MMP27: variants seen among roughly 807,000 people sequenced by gnomAD.
MMP27 encodes the protein matrix metalloproteinase-27.
A neutral mutation model predicts 48.1 loss-of-function variants in MMP27; 51 were observed. The observed-to-expected ratio is 1.06, with a 90% confidence interval of 0.85 to 1.34. The LOEUF is 1.34. Ranked by LOEUF, MMP27 falls within the 40% of genes most tolerant of loss-of-function variation. The probability of loss-of-function intolerance (pLI) is 0.00; values close to 1 mark genes in which losing one functional copy is unlikely to be tolerated. For missense variants in MMP27, 698 were observed against 619.3 expected (o/e 1.13, Z -1.35); for synonymous variants, 229 against 208.9 (o/e 1.10, Z -0.83).
In MMP27 at chr11:102,703,249, A is replaced by G. The variant is rs1009303720; in HGVS notation, c.342-131T>C. ...CTTTGGTGTGGTGCAATTATCTTAC[A>G]GTTGCATTAGCACTTTATTTAAATG... On this transcript the variant is annotated intron_variant, in intron 2 of 9. Coordinates refer to ENST00000260229, the MANE Select transcript of MMP27 (RefSeq NM_022122.3). 11 of 741,872 alleles carry G rather than the reference A, an allele frequency of 1.5e-5. No individual in the cohort carries two copies. In the African/African-American group the frequency reaches 1.6e-4, roughly 11 times the overall value. The allele number at this position is 741,872 out of a possible 1,614,324, so 46.0% of individuals were successfully genotyped here.
chr11:102,702,880 G>T lies in MMP27; in HGVS notation c.492C>A (p.Val164=). 6.2e-7 allele frequency: 1 copy of T among 1,613,252 alleles called. No homozygotes were observed. The highest frequency in any genetic ancestry group is 2.2e-5 in the East Asian group (1 of 44,876). ...ADIMIAFRTR[V]HGRCPRYFDG... ...CAAAATAGCGAGGACACCGACCATGGACTGAGATACAATTTATGCGAGGAA... is the reference window on the plus strand; with the variant it reads ...CAAAATAGCGAGGACACCGACCATGTACTGAGATACAATTTATGCGAGGAA... Residue 164 remains valine, a splice_region_variant and synonymous_variant, in exon 4 of 10, where the codon GTC becomes GTA. Transcript: ENST00000260229.
chr11:102,693,168 G>A, intron 8 of MMP27, 127 bp from the exon 9 acceptor site: 1 of 599,656 alleles, frequency 1.7e-6, no homozygotes. Context: ...AAAACTAATT[G>A]GATCAATAAT....
chr11:102,697,163 G>C (rs1385106130), intron 4 of MMP27, among the ~76,000 whole-genome samples: 3 of 152,204 alleles, frequency 2.0e-5, no homozygotes, highest in African/African-American at 7.2e-5. Context: ...GCACGTTACT[G>C]TACTGAATAT....
Position 102,705,676 on chromosome 11 carries a change from T to C in MMP27, c.39A>G (p.Thr13=). 2 of 1,607,218 alleles carry C rather than the reference T, an allele frequency of 1.2e-6. No homozygotes were observed. Among genetic ancestry groups the C allele is most frequent in the Non-Finnish European group, 1.7e-6 (2 of 1,177,864 alleles). ...GGACTAAGGGAAATGCAGAAGAAAATGTTATAAAGAACAAAAACAGAAGCA... is the reference window on the plus strand; with the variant it reads ...GGACTAAGGGAAATGCAGAAGAAAACGTTATAAAGAACAAAAACAGAAGCA... ...RLLLLFLFFI[T]FSSAFPLVRM... Residue 13 remains threonine, a synonymous_variant, in exon 1 of 10, where the codon ACA becomes ACG. Coordinates refer to ENST00000260229, the MANE Select transcript of MMP27 (RefSeq NM_022122.3).
In MMP27 at chr11:102,703,023, A is replaced by T; in HGVS notation, c.437T>A (p.Phe146Tyr). ...EVWSKVTPLK[F>Y]TKISKGIADI... ...TGCAATCCCCTTTGAAATCTTGGTGAATTTTAGTGGAGTGACTTTGCTCCA... is the reference window on the plus strand; with the variant it reads ...TGCAATCCCCTTTGAAATCTTGGTGTATTTTAGTGGAGTGACTTTGCTCCA... The change falls in exon 3 of 10, where the codon TTC becomes TAC. Residue 146 changes from phenylalanine to tyrosine, a missense_variant. Coordinates refer to ENST00000260229, the MANE Select transcript of MMP27 (RefSeq NM_022122.3). 1 of 1,614,186 alleles carries T rather than the reference A, an allele frequency of 6.2e-7. No homozygotes were observed. Among genetic ancestry groups the T allele is most frequent in the Non-Finnish European group, 8.5e-7 (1 of 1,180,008 alleles).
chr11:102,694,101 GGAGA>G, intron 7 of MMP27, 36 bp from the exon 8 acceptor site: 1 of 1,438,986 alleles, frequency 6.9e-7, no homozygotes, highest in Non-Finnish European at 9.2e-7. Context: ...TTTTCTAGAG[GGAGA>G]AATAGGTATC....
rs189408947 is a variant in MMP27, at chr11:102,705,739, G to A, written c.-25C>T. On this transcript the variant is annotated 5_prime_UTR_variant, in exon 1 of 10. Transcript: ENST00000260229. Reference sequence around the variant, plus strand: ...TTCCTCTCTTTCTTCAGCTGAAGCCGGTTCTGTTAGCACAGAATTTAGAAA... The same window carrying A: ...TTCCTCTCTTTCTTCAGCTGAAGCCAGTTCTGTTAGCACAGAATTTAGAAA... The A allele has an allele frequency of 1.0e-3, 1,522 of 1,504,554 alleles. 2 individuals are homozygous for A. Among genetic ancestry groups the A allele is most frequent in the Non-Finnish European group, 1.3e-3 (1,394 of 1,093,774 alleles). 93.2% of individuals were successfully genotyped at this position (1,504,554 alleles called of 1,614,324 possible).
chr11:102,699,085 C>G (rs1331927593), intron 4 of MMP27, among the ~76,000 whole-genome samples: 1 of 152,122 alleles, frequency 6.6e-6, no homozygotes, highest in Non-Finnish European at 1.5e-5. Flanking sequence ...ACCATAGTGC[C>G]CTTTCCAGAA....
intron 4 of MMP27, among the ~76,000 whole-genome samples, chr11:102,701,867 G>T (rs1345132279): frequency 6.6e-6 from 1 of 152,160 alleles, no homozygotes; most frequent in Non-Finnish European, 1.5e-5. Flanking sequence ...GATCTAGACC[G>T]ATTATCTGGA....
In MMP27 at chr11:102,693,014, G is replaced by T; in HGVS notation, c.1221C>A (p.Asp407Glu). The change falls in exon 9 of 10, where the codon GAC (aspartate) becomes GAA (glutamate). Residue 407 changes from aspartate (D) to glutamate (E), a missense_variant. Coordinates refer to ENST00000260229, the MANE Select transcript of MMP27 (RefSeq NM_022122.3). ...TTACCACTCTCTGCGGGAACCCTTT[G>T]TCCATGGTTTGGGTCATTTCATCAA... ...WRFDEMTQTM[D>E]KGFPQRVVKH... The T allele has an allele frequency of 1.9e-6, 3 of 1,613,620 alleles. No individual in the cohort carries two copies. Among genetic ancestry groups the T allele is most frequent in the Non-Finnish European group, 1.7e-6 (2 of 1,179,740 alleles).
chr11:102,699,142 C>G (rs1288830707), intron 4 of MMP27, among the ~76,000 whole-genome samples: 1 of 152,074 alleles, frequency 6.6e-6, no homozygotes, highest in Non-Finnish European at 1.5e-5. Context: ...TCTGCCTCTC[C>G]CACTAGTCTG....
chr11:102,702,691 C>G, intron 4 of MMP27, 62 bp downstream of exon 4: 1 of 1,522,122 alleles, frequency 6.6e-7, no homozygotes, highest in Admixed American at 2.2e-5. Context: ...AGTTACAAAG[C>G]TATTCTTTTC....
At chr11:102,705,475 GACA>G in intron 1 of MMP27, 135 bp downstream of exon 1, 1 of 564,178 alleles carries the variant, frequency 1.8e-6, no homozygotes, top group South Asian at 2.6e-5. Flanking sequence ...GTCAGAGATA[GACA>G]AATGAAAAGC....
At position 102,691,538 on chromosome 11, in the gene MMP27, A is replaced by G; in HGVS notation, c.*228T>C. On this transcript the variant is annotated 3_prime_UTR_variant, in exon 10 of 10. Transcript: ENST00000260229. The stretch of plus-strand genomic sequence containing the variant: ...ATGTTTCAGTATTCAGTTATAAGAC[A>G]TGTCTTCTCCAAGTCCACAAAGCAT... The G allele has an allele frequency of 2.4e-6, 1 of 421,738 alleles. No individual in the cohort carries two copies. Among genetic ancestry groups the G allele is most frequent in the Non-Finnish European group, 4.2e-6 (1 of 236,124 alleles). 26.1% of individuals were successfully genotyped at this position (421,738 alleles called of 1,614,324 possible). A position where few individuals can be genotyped will look rare whatever the true frequency, so the allele number is the denominator to read the frequency against.
chr11:102,693,002 C>A lies in MMP27; in HGVS notation c.1233G>T (p.Pro411=). 1 of 1,613,650 alleles carries A rather than the reference C, an allele frequency of 6.2e-7. No homozygotes were observed. The highest frequency in any genetic ancestry group is 8.5e-7 in the Non-Finnish European group (1 of 1,179,730). Residue 411 remains proline (P), a synonymous_variant, in exon 9 of 10, where the codon CCG becomes CCT. Transcript: ENST00000260229. ...EMTQTMDKGF[P]QRVVKHFPGI... is the part of the protein sequence containing the mutation. Reference sequence around the variant, plus strand: ...CAGGAAAGTGTTTTACCACTCTCTGCGGGAACCCTTTGTCCATGGTTTGGG... The same window carrying A: ...CAGGAAAGTGTTTTACCACTCTCTGAGGGAACCCTTTGTCCATGGTTTGGG...
chr11:102,696,865 A>G, intron 4 of MMP27, 30 bp from the exon 5 acceptor site: 2 of 1,590,904 alleles, frequency 1.3e-6, no homozygotes, highest in South Asian at 1.2e-5. Context: ...ACACGAGCAC[A>G]TGACTTAATC....
intron 7 of MMP27, among the ~76,000 whole-genome samples, chr11:102,694,399 T>C (rs1034827309): frequency 6.6e-6 from 1 of 152,212 alleles, no homozygotes; most frequent in Non-Finnish European, 1.5e-5. Flanking sequence ...TATGTACAAT[T>C]ATTATGTCAA....
chr11:102,704,350 G>C (rs993145089), intron 2 of MMP27, among the ~76,000 whole-genome samples, 187 bp downstream of exon 2: 12 of 152,210 alleles, frequency 7.9e-5, no homozygotes, highest in Admixed American at 3.3e-4. Context: ...CAGTTTCTCT[G>C]TATTTAAGAT....
chr11:102,696,324 A>G (rs762092835), intron 6 of MMP27, 47 bp downstream of exon 6: 1 of 1,602,816 alleles, frequency 6.2e-7, no homozygotes. Flanking sequence ...TCTCTTGAAA[A>G]GAAAAATCTT....
Sources: allele counts gnomAD v4.1 joint callset (sites outside exome capture counted in the v4.1 genomes callset), GRCh38; gene constraint gnomAD v4.1.1; transcripts MANE v1.5; gene names NCBI Gene and HGNC (gene_info 2026-07-23, HGNC 2026-07-21).